The following NKAIN3 variants were observed in gnomAD, a reference collection of about 807,000 sequenced individuals.
The protein encoded by NKAIN3 is sodium/potassium-transporting ATPase subunit beta-1-interacting protein 3.
In NKAIN3, 25 loss-of-function variants were observed where a neutral mutation model predicts 30.2. That is an observed-to-expected ratio of 0.83 (90% CI 0.60 to 1.16). The LOEUF is 1.16. Among genes scored for constraint, NKAIN3 ranks in the 50% most tolerant of loss-of-function variants. NKAIN3 has a pLI of 0.00. For synonymous variants in NKAIN3, 91 were observed against 89.6 expected (o/e 1.02, Z -0.09); for missense variants, 225 against 254.1 (o/e 0.89, Z 0.78).
chr8:62,760,466 G>A (rs992502739), intron 4 of NKAIN3, among the ~76,000 whole-genome samples: 7 of 152,140 alleles, frequency 4.6e-5, no homozygotes, highest in Non-Finnish European at 1.0e-4. Flanking sequence ...ATGAATTCAT[G>A]TCCTTTGTAG....
intron 1 of NKAIN3, among the ~76,000 whole-genome samples, chr8:62,563,508 G>C (rs1809653178): frequency 6.6e-6 from 1 of 152,026 alleles, no homozygotes; most frequent in Non-Finnish European, 1.5e-5. Flanking sequence ...TTGAAAACAA[G>C]TATAAAAACC....
chr8:62,715,565 T>C (rs1814869255), intron 3 of NKAIN3, among the ~76,000 whole-genome samples: 1 of 152,190 alleles, frequency 6.6e-6, no homozygotes, highest in Non-Finnish European at 1.5e-5. Flanking sequence ...GTCAACATAA[T>C]GATATTATCT....
intron 4 of NKAIN3, among the ~76,000 whole-genome samples, chr8:62,753,594 TACTA>T (rs1315819070): frequency 6.6e-6 from 1 of 152,124 alleles, no homozygotes; most frequent in Non-Finnish European, 1.5e-5. Context: ...TAATTATTGA[TACTA>T]ACCTGATGTA....
intron 4 of NKAIN3, among the ~76,000 whole-genome samples, chr8:62,810,746 T>G (rs7840348): frequency 0.56 from 83,742 of 150,540 alleles, 24,702 homozygotes; most frequent in Non-Finnish European, 0.67. Flanking sequence ...CATGTAGGTA[T>G]GTATTTGCCA....
At chr8:62,262,655 T>C (rs1411304394) in intron 1 of NKAIN3, among the ~76,000 whole-genome samples, 1 of 152,114 alleles carries the variant, frequency 6.6e-6, no homozygotes, top group Non-Finnish European at 1.5e-5. Context: ...CTAAGAGTCT[T>C]TTCATCTACA....
intron 1 of NKAIN3, among the ~76,000 whole-genome samples, chr8:62,268,616 T>C (rs1812679312): frequency 6.6e-6 from 1 of 152,142 alleles, no homozygotes; most frequent in African/African-American, 2.4e-5. Context: ...TTATGTTAGG[T>C]ATTGTGCATA....
chr8:62,832,258 G>GAC (rs57632946), intron 4 of NKAIN3, among the ~76,000 whole-genome samples: 4,751 of 132,584 alleles, frequency 0.036, 105 homozygotes, highest in African/African-American at 0.072. Flanking sequence ...TGACCAAACA[G>GAC]ACACACACAC....
chr8:62,404,640 C>T (rs1804002809), intron 1 of NKAIN3, among the ~76,000 whole-genome samples: 1 of 152,146 alleles, frequency 6.6e-6, no homozygotes, highest in Admixed American at 6.6e-5. Context: ...TGGAGCCTCC[C>T]CTGCCCTGCA....
chr8:62,912,248 A>G (rs1207706301), intron 4 of NKAIN3, among the ~76,000 whole-genome samples: 1 of 152,194 alleles, frequency 6.6e-6, no homozygotes, highest in African/African-American at 2.4e-5. Flanking sequence ...TATATTGATA[A>G]GCACTTACCA....
At chr8:62,603,278 G>A (rs1382451672) in intron 3 of NKAIN3, among the ~76,000 whole-genome samples, 2 of 152,118 alleles carry the variant, frequency 1.3e-5, no homozygotes, top group Non-Finnish European at 1.5e-5. Flanking sequence ...AATTATAAAA[G>A]AGACCCTGAT....
intron 3 of NKAIN3, among the ~76,000 whole-genome samples, chr8:62,745,930 A>G (rs894333853): frequency 1.3e-5 from 2 of 152,350 alleles, no homozygotes; most frequent in African/African-American, 2.4e-5. Context: ...CTAACTAGCT[A>G]TGCTACCATG....
rs543487419 is a variant in NKAIN3, at chr8:62,462,477, C to A, written c.55-117062C>A. ...TGAACTTTTTACATTAATTTAAATG[C>A]TTAAATCTTAAAATGTCAGTACTCT... is the stretch of plus-strand genomic sequence containing the variant. On this transcript the variant is annotated intron_variant, in intron 1 of 6. Coordinates refer to ENST00000623646, the MANE Select transcript of NKAIN3 (RefSeq NM_001304533.3). Among the ~76,000 whole-genome samples the A allele has an allele frequency of 4.9e-4, 74 of 152,238 alleles. 1 individual carries two copies. In the South Asian group the frequency reaches 8.1e-3, roughly 17 times the overall value.
chr8:62,376,822 A>C (rs558815093), intron 1 of NKAIN3, among the ~76,000 whole-genome samples: 2 of 152,284 alleles, frequency 1.3e-5, no homozygotes, highest in South Asian at 2.1e-4. Flanking sequence ...TATAAAAAAA[A>C]CTTTTCTCTA....
chr8:62,348,569 A>G (rs1477326754), intron 1 of NKAIN3, among the ~76,000 whole-genome samples: 2 of 152,208 alleles, frequency 1.3e-5, no homozygotes, highest in Non-Finnish European at 2.9e-5. Context: ...CTTCTAAAGT[A>G]TCTAACACAA....
chr8:62,491,596 C>CAAATTA (rs1807068435), intron 1 of NKAIN3, among the ~76,000 whole-genome samples: 1 of 152,124 alleles, frequency 6.6e-6, no homozygotes, highest in Admixed American at 6.6e-5. Flanking sequence ...TAGCAATTCA[C>CAAATTA]TGTAGCCTGA....
intron 3 of NKAIN3, among the ~76,000 whole-genome samples, chr8:62,661,624 TC>T (rs1371934782): frequency 6.6e-6 from 1 of 152,026 alleles, no homozygotes; most frequent in African/African-American, 2.4e-5. Context: ...TCTTCCTCCT[TC>T]CCCACTTGGT....
intron 1 of NKAIN3, among the ~76,000 whole-genome samples, chr8:62,554,584 ATAAT>A (rs1809324897): frequency 1.3e-5 from 2 of 152,228 alleles, no homozygotes; most frequent in South Asian, 4.1e-4. Context: ...CATCACTTGA[ATAAT>A]TAATAAAACA....
rs536134450 is a variant in NKAIN3 at position 62,812,390 on chromosome 8, T to A, written c.471+65261T>A. 2.8e-4 allele frequency among the ~76,000 whole-genome samples: 43 copies of A among 152,020 alleles called. No individual in the cohort carries two copies. In the South Asian group the frequency reaches 8.9e-3, roughly 32 times the overall value. ...ATCCCTGATGGGATCTTGTTAAAAA[T>A]TGCATCAAATCTACAGATCAGTTTG... is the stretch of plus-strand genomic sequence containing the variant. On this transcript the variant is annotated intron_variant, in intron 4 of 6. Coordinates refer to ENST00000623646, the MANE Select transcript of NKAIN3 (RefSeq NM_001304533.3).
At chr8:62,403,424 C>T (rs563771663) in intron 1 of NKAIN3, among the ~76,000 whole-genome samples, 22 of 152,176 alleles carry the variant, frequency 1.4e-4, no homozygotes, top group African/African-American at 5.3e-4. Context: ...CCTTTCATTA[C>T]AGGCCCAGAG....
Sources: allele counts gnomAD v4.1 joint callset (sites outside exome capture counted in the v4.1 genomes callset), GRCh38; gene constraint gnomAD v4.1.1; transcripts MANE v1.5; gene names NCBI Gene and HGNC (gene_info 2026-07-23, HGNC 2026-07-21).